LRRC37A2: variants seen among roughly 807,000 people sequenced by gnomAD.
The protein encoded by LRRC37A2 is leucine-rich repeat-containing protein 37A2.
LRRC37A2 carries 9 observed loss-of-function variants against 68.8 expected under a neutral mutation model. The ratio of observed to expected loss-of-function variants is 0.13; its 90% CI spans 0.08 to 0.23. The LOEUF (loss-of-function observed/expected upper bound fraction) is 0.23, where lower values mean the gene tolerates loss of function less well. Among genes scored for constraint, LRRC37A2 ranks in the 10% least tolerant of loss-of-function variants. The pLI is 1.00. For missense variants in LRRC37A2, 168 were observed against 950.4 expected (o/e 0.18, Z 10.82); for synonymous variants, 63 against 367.6 (o/e 0.17, Z 9.48).
the LRRC37A2 span, chr17:46,935,271 GA>G: frequency 2.3e-4 from 364 of 1,600,272 alleles, no homozygotes; most frequent in Non-Finnish European, 2.9e-4. Flanking sequence ...CTCAAATTGT[GA>G]TATTTTGATG....
At chr17:46,914,431 C>A in the LRRC37A2 span, among the ~76,000 whole-genome samples, 1 of 151,854 alleles carries the variant, frequency 6.6e-6, no homozygotes, top group African/African-American at 2.4e-5. Flanking sequence ...AGTGGATCAC[C>A]TGAGGTCAGG....
chr17:47,016,947 CACCCT>C, the LRRC37A2 span, among the ~76,000 whole-genome samples: 1 of 112,118 alleles, frequency 8.9e-6, no homozygotes, highest in African/African-American at 2.9e-5. Context: ...CACCCTACCC[CACCCT>C]ACCCCACCAC....
At chr17:46,549,198 C>T in exon 10 of LRRC37A2, 16 of 1,611,268 alleles carry the variant, frequency 9.9e-6, no homozygotes, top group Non-Finnish European at 1.4e-5. Context: ...TCATAAATTC[C>T]CCTTCACAAG....
At chr17:46,977,782 T>C in the LRRC37A2 span, among the ~76,000 whole-genome samples, 1 of 152,376 alleles carries the variant, frequency 6.6e-6, no homozygotes, top group Middle Eastern at 3.4e-3. Flanking sequence ...ATAATTAAAC[T>C]TTTAACTAGA....
chr17:46,716,503 C>T, the LRRC37A2 span, among the ~76,000 whole-genome samples: 11 of 152,108 alleles, frequency 7.2e-5, no homozygotes, highest in Admixed American at 6.5e-4. Context: ...ATGATCCGCA[C>T]GCCTCAGCCT....
chr17:46,785,703 C>T, the LRRC37A2 span, among the ~76,000 whole-genome samples: 2 of 152,266 alleles, frequency 1.3e-5, no homozygotes, highest in East Asian at 1.9e-4. Context: ...TCTGGGCAGC[C>T]GTGGGGAGAA....
At chr17:46,833,375 T>A in the LRRC37A2 span, 3 of 518,650 alleles carry the variant, frequency 5.8e-6, no homozygotes, top group Non-Finnish European at 1.2e-5. Flanking sequence ...CTTTTGATCC[T>A]CTGGCATGCC....
chr17:46,479,567 G>A, the LRRC37A2 span, among the ~76,000 whole-genome samples: 6 of 103,168 alleles, frequency 5.8e-5, 2 homozygotes, highest in Non-Finnish European at 1.1e-4. Flanking sequence ...GAGTGCAGTG[G>A]CACAGTCTTC....
chr17:47,018,339 C>A, the LRRC37A2 span: 13 of 1,611,260 alleles, frequency 8.1e-6, no homozygotes, highest in African/African-American at 1.7e-4. Context: ...GCAGGAGACC[C>A]CAGGTCAGCC....
the LRRC37A2 span, chr17:46,726,488 C>T: frequency 6.7e-7 from 1 of 1,498,146 alleles, no homozygotes; most frequent in Non-Finnish European, 9.3e-7. Context: ...AACTAAACTT[C>T]TTGGAAATTG....
At chr17:46,832,879 G>C in the LRRC37A2 span, 9 of 164,792 alleles carry the variant, frequency 5.5e-5, no homozygotes, top group Middle Eastern at 3.0e-3. Context: ...ATCCAGGTTA[G>C]GGGGGTGAGG....
chr17:46,850,620 C>G, the LRRC37A2 span, among the ~76,000 whole-genome samples: 1 of 152,204 alleles, frequency 6.6e-6, no homozygotes, highest in Non-Finnish European at 1.5e-5. Flanking sequence ...GTGTTCGAGA[C>G]TCTCAAAAAC....
the LRRC37A2 span, among the ~76,000 whole-genome samples, chr17:46,406,000 A>G: frequency 7.4e-6 from 1 of 134,878 alleles, no homozygotes; most frequent in Non-Finnish European, 1.6e-5. Context: ...TATAGGAGAT[A>G]CAGTTCGTAG....
chr17:46,533,262 T>G (rs1381600251), intron 6 of LRRC37A2, among the ~76,000 whole-genome samples: 1 of 96,100 alleles, frequency 1.0e-5, no homozygotes, highest in African/African-American at 5.5e-5. Flanking sequence ...TAAAAATTTT[T>G]TTTAGTTAGC....
the LRRC37A2 span, among the ~76,000 whole-genome samples, chr17:46,950,904 G>A: frequency 2.4e-3 from 358 of 152,272 alleles, 1 homozygote; most frequent in Middle Eastern, 3.4e-3. Context: ...TGACCCAGTC[G>A]GTGATGAGAG....
the LRRC37A2 span, chr17:46,770,068 A>T: frequency 7.8e-6 from 12 of 1,530,042 alleles, no homozygotes; most frequent in Non-Finnish European, 1.1e-5. Context: ...GGTCGTGGGG[A>T]GGCAGCACTC....
chr17:46,927,681 T>C, the LRRC37A2 span, among the ~76,000 whole-genome samples: 2 of 152,182 alleles, frequency 1.3e-5, no homozygotes, highest in Non-Finnish European at 2.9e-5. Context: ...CTAGGCTGTT[T>C]CTTTCCTCTT....
the LRRC37A2 span, among the ~76,000 whole-genome samples, chr17:46,680,236 C>T: frequency 6.6e-6 from 1 of 151,040 alleles, no homozygotes; most frequent in East Asian, 1.9e-4. Context: ...TCAAGACTTA[C>T]TAGAAAGCAA....
At chr17:46,759,038 C>G in the LRRC37A2 span, among the ~76,000 whole-genome samples, 9 of 152,112 alleles carry the variant, frequency 5.9e-5, no homozygotes, top group East Asian at 1.5e-3. Flanking sequence ...AACACCGTCT[C>G]TACTAAAAAT....
Sources: gnomAD v4.1 joint callset for allele counts (sites outside exome capture counted in the v4.1 genomes callset) on GRCh38, gnomAD v4.1.1 for gene constraint, MANE v1.5 for transcripts, NCBI Gene and HGNC (gene_info 2026-07-23, HGNC 2026-07-21) for gene names.